ATRNL1: variants seen among roughly 807,000 people sequenced by gnomAD.
ATRNL1 encodes attractin like 1.
ATRNL1 carries 95 observed loss-of-function variants against 182.7 expected under a neutral mutation model. That is an observed-to-expected ratio of 0.52 (90% CI 0.44 to 0.62). The LOEUF (loss-of-function observed/expected upper bound fraction) is 0.62. Ranked by LOEUF, ATRNL1 falls within the 20% of genes least tolerant of loss-of-function variation. The pLI is 0.00. For synonymous variants in ATRNL1, 576 were observed against 568.3 expected (o/e 1.01, Z -0.19); for missense variants, 1,471 against 1,679.5 (o/e 0.88, Z 2.17).
intron 24 of ATRNL1, among the ~76,000 whole-genome samples, chr10:115,513,939 G>C (rs1235764267): frequency 6.6e-6 from 1 of 151,836 alleles, no homozygotes; most frequent in Admixed American, 6.6e-5. Context: ...ATTTACTCTT[G>C]AGTGCCATTT....
chr10:115,374,779 T>G (rs1318308025), intron 19 of ATRNL1, among the ~76,000 whole-genome samples: 2 of 151,922 alleles, frequency 1.3e-5, no homozygotes, highest in Non-Finnish European at 2.9e-5. Flanking sequence ...TTGTGAATTT[T>G]CAATTTTTCC....
At position 115,919,539 on chromosome 10, in the gene ATRNL1, C is replaced by G. The variant is rs55929312; in HGVS notation, c.4019-25119C>G. Among the ~76,000 whole-genome samples the G allele has an allele frequency of 7.3e-3, 1,108 of 152,134 alleles. 8 individuals are homozygous for G. Among genetic ancestry groups the G allele is most frequent in the Non-Finnish European group, 0.012 (794 of 67,994 alleles). ...ATCACAGTGAATGTTGACTGGTTTT[C>G]TTCAGATAAAATGATGATGAAGGTA... On this transcript the variant is annotated intron_variant, in intron 28 of 28. Coordinates refer to ENST00000355044, the MANE Select transcript of ATRNL1 (RefSeq NM_207303.4).
At chr10:115,316,083 A>C (rs1189730891) in intron 18 of ATRNL1, among the ~76,000 whole-genome samples, 1 of 151,956 alleles carries the variant, frequency 6.6e-6, no homozygotes, top group Non-Finnish European at 1.5e-5. Flanking sequence ...GCTCCTATTG[A>C]CCCATCCTCT....
At chr10:115,938,852 G>A (rs933087520) in intron 28 of ATRNL1, among the ~76,000 whole-genome samples, 2 of 152,116 alleles carry the variant, frequency 1.3e-5, no homozygotes, top group Admixed American at 6.5e-5. Context: ...CTAGGGGAAG[G>A]GGGAGGGATG....
chr10:115,159,711 A>G (rs1278651060), intron 5 of ATRNL1, among the ~76,000 whole-genome samples: 4 of 151,566 alleles, frequency 2.6e-5, no homozygotes, highest in African/African-American at 9.7e-5. Flanking sequence ...CCCTGACAGA[A>G]CTGATATTTG....
chr10:115,426,767 C>T (rs2134396781), intron 21 of ATRNL1, among the ~76,000 whole-genome samples: 1 of 152,270 alleles, frequency 6.6e-6, no homozygotes, highest in Non-Finnish European at 1.5e-5. Context: ...TCTTGTCGCC[C>T]AGGCTGGAGT....
chr10:115,756,887 T>G (rs1187240873), intron 27 of ATRNL1, among the ~76,000 whole-genome samples: 5 of 152,212 alleles, frequency 3.3e-5, no homozygotes, highest in Admixed American at 3.3e-4. Context: ...TAGCTCTTCT[T>G]GTTGCATTGA....
intron 27 of ATRNL1, among the ~76,000 whole-genome samples, chr10:115,838,282 A>G (rs1449455491): frequency 6.6e-6 from 1 of 152,200 alleles, no homozygotes; most frequent in Non-Finnish European, 1.5e-5. Context: ...ACTTCAAGGG[A>G]CGTAAGAGGA....
Position 115,160,196 on chromosome 10 carries a change from C to T in ATRNL1, c.986C>T (p.Ser329Phe). 3.1e-6 allele frequency: 5 copies of T among 1,610,526 alleles called. No individual in the cohort carries two copies. Among genetic ancestry groups the T allele is most frequent in the Non-Finnish European group, 4.2e-6 (5 of 1,177,958 alleles). Residue 329 changes from serine to phenylalanine, a missense_variant, in exon 6 of 29, where the codon TCT (serine) becomes TTT (phenylalanine). Transcript: ENST00000355044. ...GGTGGATATACTTTTAACTACAGTT[C>T]TTTTCAAATGGTCCTAAAGTAAGTA... ...VIGGYTFNYS[S>F]FQMVLNYNLE...
rs114396256 is a variant in ATRNL1, at chr10:115,865,529, A to G, written c.4018+17538A>G. 2.9e-3 allele frequency among the ~76,000 whole-genome samples: 447 copies of G among 152,258 alleles called. 1 individual carries two copies. Among genetic ancestry groups the G allele is most frequent in the African/African-American group, 0.01 (432 of 41,564 alleles). On this transcript the variant is annotated intron_variant, in intron 28 of 28. Transcript: ENST00000355044. ...AAAGCTTACTTAACCTACAATTTTT[A>G]TATATGTATGTGTATCTCTATTTAT...
intron 25 of ATRNL1, among the ~76,000 whole-genome samples, chr10:115,531,392 T>A (rs1851572033): frequency 6.6e-6 from 1 of 152,168 alleles, no homozygotes; most frequent in Non-Finnish European, 1.5e-5. Context: ...TGGTGAGCAT[T>A]TTTTCATGTG....
At chr10:115,453,137 A>C (rs1847357982) in intron 21 of ATRNL1, among the ~76,000 whole-genome samples, 1 of 152,154 alleles carries the variant, frequency 6.6e-6, no homozygotes. Context: ...TATTGAGAAT[A>C]ATGCTATAAG....
At chr10:115,240,647 G>A (rs550419422) in intron 9 of ATRNL1, among the ~76,000 whole-genome samples, 2 of 152,150 alleles carry the variant, frequency 1.3e-5, no homozygotes, top group East Asian at 3.9e-4. Context: ...TTACGTATTA[G>A]CTATGTTTAT....
intron 27 of ATRNL1, among the ~76,000 whole-genome samples, chr10:115,758,276 G>T (rs1948643146): frequency 6.6e-6 from 1 of 151,934 alleles, no homozygotes; most frequent in Admixed American, 6.6e-5. Context: ...TTTTTGCACT[G>T]GTTTCTCCCC....
At chr10:115,375,967 A>G (rs1258124118) in intron 19 of ATRNL1, among the ~76,000 whole-genome samples, 1 of 152,136 alleles carries the variant, frequency 6.6e-6, no homozygotes, top group African/African-American at 2.4e-5. Flanking sequence ...TACTTATCAT[A>G]CTTTCATTTC....
At chr10:115,808,636 T>C (rs1430089427) in intron 27 of ATRNL1, among the ~76,000 whole-genome samples, 11 of 152,136 alleles carry the variant, frequency 7.2e-5, no homozygotes, top group African/African-American at 2.7e-4. Context: ...CCGCTATGCA[T>C]TCCCACTAGC....
chr10:115,737,554 C>T (rs1216917397), intron 27 of ATRNL1, among the ~76,000 whole-genome samples: 1 of 152,138 alleles, frequency 6.6e-6, no homozygotes. Context: ...AACACAGGTT[C>T]TCTTTGGATT....
At chr10:115,650,483 A>C (rs552417064) in intron 26 of ATRNL1, among the ~76,000 whole-genome samples, 16 of 152,258 alleles carry the variant, frequency 1.1e-4, no homozygotes, top group African/African-American at 3.6e-4. Flanking sequence ...GGAGGTATCA[A>C]ATCTGGATGA....
intron 18 of ATRNL1, among the ~76,000 whole-genome samples, chr10:115,319,690 A>G (rs10885688): frequency 0.31 from 46,628 of 149,510 alleles, 8,269 homozygotes; most frequent in Middle Eastern, 0.46. Flanking sequence ...TCTGTTTGTC[A>G]GAGACTAGTA....
Sources: allele counts gnomAD v4.1 joint callset (sites outside exome capture counted in the v4.1 genomes callset), GRCh38; gene constraint gnomAD v4.1.1; transcripts MANE v1.5; gene names NCBI Gene and HGNC (gene_info 2026-07-23, HGNC 2026-07-21).